Variants in AAK1 observed in about 807,000 individuals in gnomAD.
The protein encoded by AAK1 is AP2-associated protein kinase 1.
In AAK1, 37 loss-of-function variants were observed where a neutral mutation model predicts 116.0. That is an observed-to-expected ratio of 0.32 (90% CI 0.25 to 0.42). AAK1 has a LOEUF of 0.42. Among genes scored for constraint, AAK1 ranks in the 10% least tolerant of loss-of-function variants. The pLI is 1.00. For missense variants in AAK1, 919 were observed against 1,170.6 expected, an observed-to-expected ratio of 0.79 and a Z score of 3.14; for synonymous variants, 458 against 439.9, an observed-to-expected ratio of 1.04 and a Z score of -0.51.
intron 12 of AAK1, among the ~76,000 whole-genome samples, chr2:69,517,537 T>TTTTTTTTTTTTTTTTTTTTGAGACGG (rs1553411917): frequency 6.6e-6 from 1 of 151,428 alleles, no homozygotes; most frequent in Non-Finnish European, 1.5e-5. Context: ...TCCCTGATCT[T>TTTTTTTTTTTTTTTTTTTTGAGACGG]AATATCAGTG....
chr2:69,516,167 C>T (rs959952356), intron 12 of AAK1, among the ~76,000 whole-genome samples: 3 of 151,988 alleles, frequency 2.0e-5, no homozygotes, highest in Non-Finnish European at 4.4e-5. Context: ...TAGCTGAACG[C>T]GCCAGAAAAT....
At position 69,467,787 on chromosome 2, in the gene AAK1, A is replaced by C; in HGVS notation, c.*8082T>G. On this transcript the variant is annotated 3_prime_UTR_variant, in exon 22 of 22. Transcript: ENST00000409085. ...TTAAGCACACAGACCACAGCAGAAGAGGCATTAAAATCAGTTTATTGGGAA... is the reference window on the plus strand; with the variant it reads ...TTAAGCACACAGACCACAGCAGAAGCGGCATTAAAATCAGTTTATTGGGAA... The C allele has an allele frequency of 1.0e-6, 1 of 985,450 alleles. No individual in the cohort carries two copies. Among genetic ancestry groups the C allele is most frequent in the Non-Finnish European group, 1.2e-6 (1 of 829,918 alleles). 61.0% of individuals were successfully genotyped at this position (985,450 alleles called of 1,614,324 possible).
chr2:69,612,725 T>C (rs1674143530), intron 2 of AAK1, among the ~76,000 whole-genome samples: 1 of 152,204 alleles, frequency 6.6e-6, no homozygotes, highest in South Asian at 2.1e-4. Context: ...AAGCCAATCC[T>C]TGGAAAATGA....
At chr2:69,618,592 T>G (rs1447252755) in intron 2 of AAK1, among the ~76,000 whole-genome samples, 1 of 152,194 alleles carries the variant, frequency 6.6e-6, no homozygotes, top group African/African-American at 2.4e-5. Context: ...TCCTTTGAGC[T>G]CATGCCACGT....
intron 2 of AAK1, among the ~76,000 whole-genome samples, chr2:69,632,138 T>C (rs1675214633): frequency 6.6e-6 from 1 of 152,194 alleles, no homozygotes; most frequent in Non-Finnish European, 1.5e-5. Context: ...AAAGGCTTTT[T>C]TGCTTTGGGT....
At chr2:69,574,317 G>GCA (rs1368566881) in intron 2 of AAK1, among the ~76,000 whole-genome samples, 1 of 146,710 alleles carries the variant, frequency 6.8e-6, no homozygotes, top group African/African-American at 2.6e-5. Context: ...GGCGGAAGCT[G>GCA]CAGTGAGCAG....
intron 4 of AAK1, 128 bp from the exon 5 acceptor site, chr2:69,542,793 G>A: frequency 1.9e-6 from 2 of 1,056,904 alleles, no homozygotes; most frequent in Non-Finnish European, 2.7e-6. Flanking sequence ...CACTGACTGA[G>A]CCAGGATTAA....
Position 69,470,512 on chromosome 2 carries a change from G to C in AAK1, c.*5357C>G, listed in dbSNP as rs141610906. On this transcript the variant is annotated 3_prime_UTR_variant, in exon 22 of 22. Transcript: ENST00000409085. ...ACCTCATGGAAGCCAAAAATGGCCA[G>C]CTGTGCCTCTCAGGCCAATGAGGCA... The C allele has an allele frequency of 3.3e-5, 33 of 985,434 alleles. 1 individual carries two copies. In the East Asian group the frequency reaches 1.8e-3, roughly 54 times the overall value. 61.0% of individuals were successfully genotyped at this position (985,434 alleles called of 1,614,324 possible).
At chr2:69,506,286 G>A (rs1676181868) in intron 15 of AAK1, among the ~76,000 whole-genome samples, 1 of 152,144 alleles carries the variant, frequency 6.6e-6, no homozygotes, top group South Asian at 2.1e-4. Flanking sequence ...ATAACAACTG[G>A]TATACATAAC....
chr2:69,530,150 A>C lies in AAK1; in HGVS notation c.739-10T>G, dbSNP rs1670191981. 6.2e-7 allele frequency: 1 copy of C among 1,603,100 alleles called. No homozygotes were observed. The highest frequency in any genetic ancestry group is 8.5e-7 in the Non-Finnish European group (1 of 1,176,206). On this transcript the variant is annotated splice_polypyrimidine_tract_variant and intron_variant, in intron 7 of 21. Coordinates refer to ENST00000409085, the MANE Select transcript of AAK1 (RefSeq NM_014911.5). The stretch of plus-strand genomic sequence containing the variant: ...ACAAACATCCAAGAGCCTAAAAAAT[A>C]AAGATAGCAGATTGCTACTAGTGGC...
chr2:69,519,007 G>C lies in AAK1; in HGVS notation c.1444C>G (p.Gln482Glu). The C allele has an allele frequency of 6.5e-7, 1 of 1,549,746 alleles. No homozygotes were observed. The highest frequency in any genetic ancestry group is 8.7e-7 in the Non-Finnish European group (1 of 1,146,314). The change falls in exon 12 of 22, where the codon CAG (glutamine) becomes GAG (glutamate). Residue 482 changes from glutamine to glutamate, a missense_variant. Physicochemically the swap from Gln to Glu is conservative, Grantham distance 29. Coordinates refer to ENST00000409085, the MANE Select transcript of AAK1 (RefSeq NM_014911.5). Reference sequence around the variant, plus strand: ...TAAAACGTGCCTGCCGGCTGCTGCTGTGCTGGCGGTGGCTGTTGCTGCTGC... The same window carrying C: ...TAAAACGTGCCTGCCGGCTGCTGCTCTGCTGGCGGTGGCTGTTGCTGCTGC... ...QQQQQQPPPA[Q>E]QQPAGTFYQQ...
chr2:69,598,387 T>C (rs1472930236), intron 2 of AAK1: 3 of 323,526 alleles, frequency 9.3e-6, no homozygotes, highest in African/African-American at 6.4e-5. Flanking sequence ...GTCCAGAGGT[T>C]GGTGCCAAGG....
chr2:69,562,788 C>G (rs1421994722), intron 2 of AAK1, among the ~76,000 whole-genome samples: 3 of 152,176 alleles, frequency 2.0e-5, no homozygotes, highest in South Asian at 2.1e-4. Context: ...TACTCGGAAG[C>G]CTGAGGCAGG....
At chr2:69,494,023 G>T (rs1306537526) in intron 17 of AAK1, among the ~76,000 whole-genome samples, 1 of 152,142 alleles carries the variant, frequency 6.6e-6, no homozygotes, top group Non-Finnish European at 1.5e-5. Context: ...AGTGATATGA[G>T]AATTCACCAA....
Position 69,475,743 on chromosome 2 carries a change from AG to A in AAK1, c.*125del, listed in dbSNP as rs1185715833. On this transcript the variant is annotated 3_prime_UTR_variant, in exon 22 of 22. Transcript: ENST00000409085. ...TCTACAGGAGAAGGCAAGGGGTAGGAGAAAAGGGCTGGAGGGCCCCTTATTT... is the reference window on the plus strand; with the variant it reads ...TCTACAGGAGAAGGCAAGGGGTAGGAAAAAGGGCTGGAGGGCCCCTTATTT... The A allele has an allele frequency of 8.3e-6, 12 of 1,451,500 alleles. No individual in the cohort carries two copies. In the African/African-American group the frequency reaches 1.4e-4, roughly 17 times the overall value. The allele number at this position is 1,451,500 out of a possible 1,614,324, so 89.9% of individuals were successfully genotyped here. A position where few individuals can be genotyped will look rare whatever the true frequency, so the allele number is the denominator to read the frequency against.
At chr2:69,531,917 T>C in intron 6 of AAK1, 124 bp downstream of exon 6, 1 of 1,449,476 alleles carries the variant, frequency 6.9e-7, no homozygotes, top group Non-Finnish European at 9.4e-7. Flanking sequence ...AACATGATGC[T>C]CTGAGATGAA....
intron 2 of AAK1, among the ~76,000 whole-genome samples, chr2:69,609,187 C>T (rs547090742): frequency 1.3e-5 from 2 of 151,764 alleles, no homozygotes; most frequent in South Asian, 2.1e-4. Flanking sequence ...CATAGTGGAA[C>T]CCCATCTCTA....
At chr2:69,579,170 G>A (rs765681580) in intron 2 of AAK1, among the ~76,000 whole-genome samples, 5 of 152,068 alleles carry the variant, frequency 3.3e-5, no homozygotes, top group Non-Finnish European at 4.4e-5. Flanking sequence ...CTCTTATGAA[G>A]TAGATTCTGC....
intron 14 of AAK1, among the ~76,000 whole-genome samples, chr2:69,508,698 G>A (rs1676280710): frequency 6.6e-6 from 1 of 152,204 alleles, no homozygotes; most frequent in South Asian, 2.1e-4. Context: ...GTCAACCTCT[G>A]ACATGGATCT....
Sources: gnomAD v4.1 joint callset for allele counts (sites outside exome capture counted in the v4.1 genomes callset) on GRCh38, gnomAD v4.1.1 for gene constraint, MANE v1.5 for transcripts, NCBI Gene and HGNC (gene_info 2026-07-23, HGNC 2026-07-21) for gene names.